MACROD2: variants seen among roughly 807,000 people sequenced by gnomAD.
MACROD2 encodes ADP-ribose glycohydrolase MACROD2.
Under a neutral mutation model 70.4 loss-of-function variants are expected in MACROD2, and 36 were observed. The observed-to-expected ratio is 0.51, with a 90% CI of 0.39 to 0.68. The LOEUF is 0.68. Ranked by LOEUF, MACROD2 falls within the 30% of genes least tolerant of loss-of-function variation. The pLI, the probability that MACROD2 is intolerant of heterozygous loss-of-function variation, is 0.00. For synonymous variants in MACROD2, 172 were observed against 178.8 expected, an observed-to-expected ratio of 0.96 and a Z score of 0.30; for missense variants, 496 against 538.4, an observed-to-expected ratio of 0.92 and a Z score of 0.78.
At chr20:14,296,153 A>T (rs1348454800) in intron 3 of MACROD2, among the ~76,000 whole-genome samples, 1 of 151,894 alleles carries the variant, frequency 6.6e-6, no homozygotes, top group Non-Finnish European at 1.5e-5. Flanking sequence ...ATGCCCATAG[A>T]CTATGAGTCA....
At chr20:14,522,023 T>A (rs1233057581) in intron 4 of MACROD2, among the ~76,000 whole-genome samples, 2 of 152,168 alleles carry the variant, frequency 1.3e-5, no homozygotes, top group Non-Finnish European at 2.9e-5. Flanking sequence ...AGGGGGTTAA[T>A]GAAGCCTTCC....
At chr20:14,786,000 T>C (rs1311929930) in intron 5 of MACROD2, among the ~76,000 whole-genome samples, 1 of 152,088 alleles carries the variant, frequency 6.6e-6, no homozygotes, top group Non-Finnish European at 1.5e-5. Flanking sequence ...GAGAACATAT[T>C]TTGATGAAAA....
At chr20:15,478,572 TG>T (rs572544485) in intron 7 of MACROD2, among the ~76,000 whole-genome samples, 1 of 151,998 alleles carries the variant, frequency 6.6e-6, no homozygotes, top group Non-Finnish European at 1.5e-5. Flanking sequence ...TGTGTGTGTG[TG>T]TTTCTTCCTC....
chr20:14,937,796 GTA>G (rs911612245), intron 5 of MACROD2, among the ~76,000 whole-genome samples: 8 of 152,062 alleles, frequency 5.3e-5, no homozygotes, highest in African/African-American at 1.9e-4. Context: ...CTATGAAACT[GTA>G]TATTTGTACC....
intron 3 of MACROD2, among the ~76,000 whole-genome samples, chr20:14,457,658 G>A (rs1026633085): frequency 1.3e-5 from 2 of 152,080 alleles, no homozygotes; most frequent in African/African-American, 2.4e-5. Flanking sequence ...GAAGATCCAG[G>A]ATGTCATACT....
intron 12 of MACROD2, among the ~76,000 whole-genome samples, chr20:15,960,602 G>C (rs537058618): frequency 4.6e-5 from 7 of 152,120 alleles, no homozygotes; most frequent in Non-Finnish European, 1.0e-4. Flanking sequence ...ACAGCCCCTA[G>C]GGGATATTAA....
At chr20:14,574,104 C>T (rs1257732030) in intron 4 of MACROD2, among the ~76,000 whole-genome samples, 2 of 152,174 alleles carry the variant, frequency 1.3e-5, no homozygotes, top group Non-Finnish European at 2.9e-5. Context: ...ACACTGCTGC[C>T]TGTGAGACAG....
chr20:15,494,584 A>G (rs73096223), intron 7 of MACROD2, among the ~76,000 whole-genome samples: 12,207 of 152,232 alleles, frequency 0.08, 727 homozygotes, highest in East Asian at 0.25. Flanking sequence ...CACACATTAT[A>G]TAATTCATAT....
intron 8 of MACROD2, among the ~76,000 whole-genome samples, chr20:15,544,206 T>G (rs1443968764): frequency 6.6e-6 from 1 of 152,226 alleles, no homozygotes; most frequent in Non-Finnish European, 1.5e-5. Flanking sequence ...GTATTGATTC[T>G]TTGCCTGGAG....
intron 4 of MACROD2, among the ~76,000 whole-genome samples, chr20:14,544,635 A>C (rs770230104): frequency 6.6e-6 from 1 of 152,162 alleles, no homozygotes; most frequent in Non-Finnish European, 1.5e-5. Context: ...TGAGACAAAG[A>C]TTCTCCTATA....
At chr20:15,454,859 C>A (rs2046700436) in intron 7 of MACROD2, among the ~76,000 whole-genome samples, 1 of 152,106 alleles carries the variant, frequency 6.6e-6, no homozygotes, top group African/African-American at 2.4e-5. Flanking sequence ...GCTGACCTAG[C>A]TGTGGAGAGG....
chr20:15,967,238 C>T (rs1352334075), intron 12 of MACROD2, among the ~76,000 whole-genome samples: 1 of 152,108 alleles, frequency 6.6e-6, no homozygotes, highest in Admixed American at 6.5e-5. Context: ...CTTCATTTTG[C>T]CTTCCTTTTA....
At chr20:14,055,743 G>GT (rs4052957) in intron 2 of MACROD2, among the ~76,000 whole-genome samples, 32 of 146,050 alleles carry the variant, frequency 2.2e-4, no homozygotes, top group Non-Finnish European at 4.8e-4. Context: ...GATCAGTACT[G>GT]TTTTTTTTTT....
chr20:14,108,135 A>G (rs1030542600), intron 3 of MACROD2, among the ~76,000 whole-genome samples: 2 of 152,112 alleles, frequency 1.3e-5, no homozygotes, highest in Admixed American at 6.6e-5. Context: ...GTTAAGGTAC[A>G]TGGTAGTTAT....
At chr20:14,273,681 C>A (rs902160207) in intron 3 of MACROD2, among the ~76,000 whole-genome samples, 1 of 151,658 alleles carries the variant, frequency 6.6e-6, no homozygotes, top group African/African-American at 2.4e-5. Flanking sequence ...ACAAAAAACC[C>A]TTCAAAAAAT....
intron 5 of MACROD2, among the ~76,000 whole-genome samples, chr20:14,915,584 T>G (rs1279181745): frequency 1.3e-5 from 2 of 152,194 alleles, no homozygotes; most frequent in Non-Finnish European, 2.9e-5. Flanking sequence ...ATCTCTGTGC[T>G]TTGCTTGCCT....
At chr20:15,416,443 C>A (rs2046150453) in intron 6 of MACROD2, among the ~76,000 whole-genome samples, 1 of 152,132 alleles carries the variant, frequency 6.6e-6, no homozygotes, top group Non-Finnish European at 1.5e-5. Flanking sequence ...GAATTTATTA[C>A]CTTTACGTAT....
At chr20:15,885,284 T>C (rs2064808278) in intron 9 of MACROD2, among the ~76,000 whole-genome samples, 1 of 152,094 alleles carries the variant, frequency 6.6e-6, no homozygotes, top group Non-Finnish European at 1.5e-5. Context: ...AGGCTGGGAT[T>C]TCCAAATGCA....
At chr20:14,663,672 T>G (rs1276888415) in intron 4 of MACROD2, among the ~76,000 whole-genome samples, 4 of 152,048 alleles carry the variant, frequency 2.6e-5, no homozygotes, top group African/African-American at 9.6e-5. Flanking sequence ...TAGGAGTTCT[T>G]TATACTGGCT....
Sources: allele counts gnomAD v4.1 joint callset (sites outside exome capture counted in the v4.1 genomes callset), GRCh38; gene constraint gnomAD v4.1.1; transcripts MANE v1.5; gene names NCBI Gene and HGNC (gene_info 2026-07-23, HGNC 2026-07-21).